PCSK5: variants seen among roughly 807,000 people sequenced by gnomAD.
PCSK5 encodes the protein proprotein convertase subtilisin/kexin type 5.
In PCSK5, 129 loss-of-function variants were observed where a neutral mutation model predicts 233.2. That is an observed-to-expected ratio of 0.55 (90% confidence interval 0.48 to 0.64). The LOEUF is 0.64. Ranked by LOEUF, PCSK5 falls within the 30% of genes least tolerant of loss-of-function variation. PCSK5 has a pLI of 0.00. For synonymous variants in PCSK5, 825 were observed against 879.2 expected, an observed-to-expected ratio of 0.94 and a Z score of 1.09; for missense variants, 2,076 against 2,430.1, an observed-to-expected ratio of 0.85 and a Z score of 3.06.
chr9:75,949,198 C>T (rs1278914133), intron 2 of PCSK5, among the ~76,000 whole-genome samples: 1 of 151,384 alleles, frequency 6.6e-6, no homozygotes, highest in African/African-American at 2.4e-5. Context: ...AAATTTAACT[C>T]AGCATCCTTT....
intron 37 of PCSK5, among the ~76,000 whole-genome samples, chr9:76,357,405 T>C (rs1351559769): frequency 6.6e-6 from 1 of 152,004 alleles, no homozygotes; most frequent in Non-Finnish European, 1.5e-5. Flanking sequence ...TAGTCCTAGC[T>C]ACACAGGAGG....
At chr9:76,227,149 G>C (rs1825921027) in intron 20 of PCSK5, among the ~76,000 whole-genome samples, 1 of 152,144 alleles carries the variant, frequency 6.6e-6, no homozygotes, top group Non-Finnish European at 1.5e-5. Flanking sequence ...TGTGGACCAG[G>C]AGACCTCAGC....
chr9:76,288,594 C>T (rs1305888472), intron 24 of PCSK5, among the ~76,000 whole-genome samples: 1 of 152,146 alleles, frequency 6.6e-6, no homozygotes, highest in Non-Finnish European at 1.5e-5. Flanking sequence ...CTTCAGACAG[C>T]CAGCATGGCC....
At chr9:76,265,442 A>G (rs747961122) in intron 24 of PCSK5, among the ~76,000 whole-genome samples, 21 of 152,190 alleles carry the variant, frequency 1.4e-4, no homozygotes, top group Non-Finnish European at 2.6e-4. Flanking sequence ...AAAAACATCA[A>G]TATCATCAAA....
intron 1 of PCSK5, among the ~76,000 whole-genome samples, chr9:75,904,659 G>A (rs1826183593): frequency 6.6e-6 from 1 of 152,176 alleles, no homozygotes; most frequent in Admixed American, 6.5e-5. Context: ...AGAATGTGGA[G>A]AAATTGCAAT....
At chr9:76,155,937 A>G (rs377590866) in intron 10 of PCSK5, among the ~76,000 whole-genome samples, 28 of 152,274 alleles carry the variant, frequency 1.8e-4, no homozygotes, top group African/African-American at 6.5e-4. Flanking sequence ...TGGGGTCTCT[A>G]AGAGGGGCCT....
intron 1 of PCSK5, among the ~76,000 whole-genome samples, chr9:75,922,986 TA>T (rs772021564): frequency 1.2e-4 from 18 of 152,160 alleles, no homozygotes; most frequent in Non-Finnish European, 2.6e-4. Context: ...GGCTTTAGAA[TA>T]AACTAATGAG....
At chr9:76,349,292 GA>G (rs1165629106) in intron 35 of PCSK5, among the ~76,000 whole-genome samples, 26 of 55,768 alleles carry the variant, frequency 4.7e-4, no homozygotes, top group East Asian at 4.3e-3. Flanking sequence ...AAAAAAAAAA[GA>G]AAAAAGAAAA....
intron 1 of PCSK5, among the ~76,000 whole-genome samples, chr9:75,898,655 T>C (rs1420050581): frequency 9.0e-6 from 1 of 111,478 alleles, no homozygotes; most frequent in East Asian, 2.0e-4. Flanking sequence ...AAAAGAGATG[T>C]GGGATAAGAA....
chr9:76,357,394 G>A (rs1259536241), intron 37 of PCSK5, among the ~76,000 whole-genome samples: 1 of 152,154 alleles, frequency 6.6e-6, no homozygotes, highest in African/African-American at 2.4e-5. Context: ...GTGTGCACCT[G>A]TAGTCCTAGC....
rs557504664 is a variant in PCSK5, at chr9:76,187,803, T to TATC, written c.2283-774_2283-772dup. 1.2e-3 allele frequency among the ~76,000 whole-genome samples: 184 copies of TATC among 152,292 alleles called. 1 individual carries two copies. The highest frequency in any genetic ancestry group is 4.0e-3 in the African/African-American group (165 of 41,582). Reference sequence around the variant, plus strand: ...GACATTCTGACAACTCATTAAATACTATCTCATATTGCTAGGTAAATAGAA... The same window carrying TATC: ...GACATTCTGACAACTCATTAAATACTATCATCTCATATTGCTAGGTAAATAGAA... On this transcript the variant is annotated intron_variant, in intron 17 of 37. Transcript: ENST00000674117.
intron 5 of PCSK5, among the ~76,000 whole-genome samples, chr9:76,050,333 A>G (rs995386620): frequency 2.0e-5 from 3 of 152,220 alleles, no homozygotes; most frequent in African/African-American, 7.2e-5. Context: ...CATCGATTTC[A>G]GTGTACATTT....
chr9:75,892,725 G>A (rs1587319017), intron 1 of PCSK5, among the ~76,000 whole-genome samples: 3 of 152,358 alleles, frequency 2.0e-5, no homozygotes, highest in African/African-American at 7.2e-5. Context: ...AGGCAGAGCT[G>A]CTGTCGCCGC....
intron 9 of PCSK5, among the ~76,000 whole-genome samples, chr9:76,117,618 A>G (rs12004034): frequency 0.033 from 5,031 of 152,222 alleles, 286 homozygotes; most frequent in African/African-American, 0.11. Context: ...TAGAAGGCCA[A>G]ATGATAAAGA....
At chr9:76,330,919 C>T (rs551776033) in intron 33 of PCSK5, among the ~76,000 whole-genome samples, 35 of 152,264 alleles carry the variant, frequency 2.3e-4, no homozygotes, top group African/African-American at 8.4e-4. Context: ...TTTCTACTTA[C>T]GTCCAATCTA....
intron 2 of PCSK5, among the ~76,000 whole-genome samples, chr9:75,954,324 T>C (rs1825001182): frequency 6.6e-6 from 1 of 152,212 alleles, no homozygotes; most frequent in Non-Finnish European, 1.5e-5. Context: ...TCTTTGTGTT[T>C]GTAAACCTTC....
At chr9:76,298,701 C>T (rs1366899486) in intron 27 of PCSK5, among the ~76,000 whole-genome samples, 1 of 152,052 alleles carries the variant, frequency 6.6e-6, no homozygotes, top group East Asian at 1.9e-4. Context: ...TTCCAGAGAA[C>T]AAGCACTAAT....
chr9:76,317,520 A>C (rs190587165), intron 30 of PCSK5, among the ~76,000 whole-genome samples: 1 of 152,348 alleles, frequency 6.6e-6, no homozygotes, highest in East Asian at 1.9e-4. Flanking sequence ...CACCAAGTAA[A>C]AATGCTGCGT....
intron 2 of PCSK5, among the ~76,000 whole-genome samples, chr9:75,934,951 A>G (rs1387664226): frequency 6.6e-6 from 1 of 152,156 alleles, no homozygotes; most frequent in African/African-American, 2.4e-5. Flanking sequence ...GCAAACATGA[A>G]AATGTTACAA....
Sources: allele counts gnomAD v4.1 joint callset (sites outside exome capture counted in the v4.1 genomes callset), GRCh38; gene constraint gnomAD v4.1.1; transcripts MANE v1.5; gene names NCBI Gene and HGNC (gene_info 2026-07-23, HGNC 2026-07-21).